Variants in SYNE2 observed in about 807,000 individuals in gnomAD.
SYNE2 encodes spectrin repeat containing nuclear envelope protein 2, also known as nesprin-2.
SYNE2 carries 431 observed loss-of-function variants against 856.3 expected under a neutral mutation model. The ratio of observed to expected loss-of-function variants is 0.50; its 90% CI spans 0.47 to 0.55. The LOEUF (loss-of-function observed/expected upper bound fraction) is 0.55, where lower values mean the gene tolerates loss of function less well. SYNE2 is among the 20% of genes least tolerant of loss of function. The pLI, the probability that SYNE2 is intolerant of heterozygous loss-of-function variation, is 0.00. For synonymous variants in SYNE2, 2,923 were observed against 2,872.3 expected (o/e 1.02, Z -0.56); for missense variants, 8,129 against 8,023.2 (o/e 1.01, Z -0.50).
Position 64,023,962 on chromosome 14 carries a change from T to A in SYNE2, c.5638-295T>A, listed in dbSNP as rs76085897. The A allele has an allele frequency of 1.6e-3, 585 of 370,992 alleles. 9 individuals carry two copies. The East Asian group carries it at 0.034, about 21-fold the overall frequency. 23.0% of individuals were successfully genotyped at this position (370,992 alleles called of 1,614,324 possible). On this transcript the variant is annotated intron_variant, in intron 38 of 115. Transcript: ENST00000555002. ...TATTTGGGCAACGTTAAATAGAGAA[T>A]AGTCTGTGGAGAAGTTGGACGTAGC...
At chr14:63,822,101 G>A (rs1298625321) in intron 1 of SYNE2, among the ~76,000 whole-genome samples, 1 of 152,050 alleles carries the variant, frequency 6.6e-6, no homozygotes, top group Non-Finnish European at 1.5e-5. Context: ...CGAGGCAGGA[G>A]AATTGCTTGA....
chr14:63,827,671 A>G (rs4902246), intron 1 of SYNE2, among the ~76,000 whole-genome samples: 8,102 of 148,180 alleles, frequency 0.055, 291 homozygotes, highest in Admixed American at 0.086. Context: ...GAAAAAGAAA[A>G]AAAGAAAAGA....
chr14:63,950,136 C>G (rs1412195205), intron 7 of SYNE2, 130 bp downstream of exon 7: 6 of 1,094,456 alleles, frequency 5.5e-6, no homozygotes, highest in Non-Finnish European at 8.3e-6. Flanking sequence ...TGTGCTTCTT[C>G]CATACGTGGA....
chr14:64,061,661 T>G (rs941198455), intron 49 of SYNE2, among the ~76,000 whole-genome samples: 3 of 152,240 alleles, frequency 2.0e-5, no homozygotes, highest in African/African-American at 7.2e-5. Flanking sequence ...ATGTTTTCTC[T>G]TCTGTAAAAT....
At chr14:63,838,369 G>A (rs1015832305) in intron 1 of SYNE2, among the ~76,000 whole-genome samples, 6 of 152,114 alleles carry the variant, frequency 3.9e-5, no homozygotes, top group East Asian at 1.9e-4. Context: ...AACTTTGATT[G>A]TGAAGCTGGT....
intron 59 of SYNE2, 99 bp from the exon 60 acceptor site, chr14:64,090,767 A>G (rs2097605124): frequency 9.2e-7 from 1 of 1,092,570 alleles, no homozygotes; most frequent in Non-Finnish European, 1.3e-6. Context: ...TAAAAATGCA[A>G]ACTATAAAAA....
intron 100 of SYNE2, 115 bp from the exon 101 acceptor site, chr14:64,208,643 C>A: frequency 9.3e-7 from 1 of 1,080,198 alleles, no homozygotes; most frequent in Non-Finnish European, 1.4e-6. Context: ...GGAAATCCAC[C>A]CAGGGAAGTA....
In SYNE2 at chr14:64,052,813, T is replaced by C. The variant is rs762753918; in HGVS notation, c.8900T>C (p.Leu2967Pro). ...GCTGACAGTATACAGCGCAATGAACTATTACTTAATCAAGAAGTAAATAAA... is the reference window on the plus strand; with the variant it reads ...GCTGACAGTATACAGCGCAATGAACCATTACTTAATCAAGAAGTAAATAAA... The part of the protein sequence containing the change: ...EEADSIQRNE[L>P]LLNQEVNKGV... Residue 2967 changes from leucine (L) to proline (P), a missense_variant, in exon 48 of 116, where the codon CTA becomes CCA. By Grantham distance (98) the Leu-to-Pro change is moderately conservative (BLOSUM62 -3). Transcript: ENST00000555002. 4.3e-6 allele frequency: 7 copies of C among 1,612,434 alleles called. No individual in the cohort carries two copies. Among genetic ancestry groups the C allele is most frequent in the Admixed American group, 1.7e-5 (1 of 59,706 alleles).
intron 45 of SYNE2, among the ~76,000 whole-genome samples, chr14:64,037,749 CT>C (rs2097104969): frequency 6.8e-5 from 1 of 14,726 alleles, no homozygotes; most frequent in African/African-American, 1.2e-4. Context: ...GACGGGGCGG[CT>C]GGCCGGGCAG....
At chr14:63,843,046 G>C (rs34783056) in intron 1 of SYNE2, among the ~76,000 whole-genome samples, 9,098 of 150,724 alleles carry the variant, frequency 0.06, 291 homozygotes, top group Middle Eastern at 0.1. Flanking sequence ...ATTTTTTTTT[G>C]AGATAGGGTC....
chr14:64,175,255 C>T (rs1230589666), intron 95 of SYNE2, 117 bp downstream of exon 95: 30 of 1,181,190 alleles, frequency 2.5e-5, no homozygotes, highest in Non-Finnish European at 3.0e-5. Flanking sequence ...GTTTCCAACT[C>T]AAGCTGTAAT....
chr14:63,963,788 T>G, intron 9 of SYNE2, 111 bp from the exon 10 acceptor site: 1 of 717,022 alleles, frequency 1.4e-6, no homozygotes, highest in Non-Finnish European at 2.5e-6. Flanking sequence ...TAATGAATCA[T>G]TGGTGTGTAA....
At chr14:63,899,830 C>CT (rs1281392964) in intron 1 of SYNE2, among the ~76,000 whole-genome samples, 1 of 152,144 alleles carries the variant, frequency 6.6e-6, no homozygotes, top group Non-Finnish European at 1.5e-5. Context: ...AGTATGGTGA[C>CT]TAGCTTTTAA....
intron 96 of SYNE2, among the ~76,000 whole-genome samples, chr14:64,185,810 T>G (rs956547476): frequency 2.0e-5 from 3 of 152,330 alleles, no homozygotes; most frequent in African/African-American, 7.2e-5. Context: ...TGTGAGCCAC[T>G]GAGCCCAGCC....
intron 1 of SYNE2, among the ~76,000 whole-genome samples, chr14:63,790,304 G>A (rs370417569): frequency 2.2e-4 from 33 of 151,662 alleles, no homozygotes; most frequent in African/African-American, 7.0e-4. Flanking sequence ...CCACTGCAAT[G>A]CAGCCTGGGT....
At chr14:63,905,880 C>T (rs1401894833) in intron 1 of SYNE2, among the ~76,000 whole-genome samples, 6 of 152,118 alleles carry the variant, frequency 3.9e-5, no homozygotes, top group Non-Finnish European at 7.4e-5. Context: ...TGTTCTGACT[C>T]TCAGGGGGAA....
chr14:64,146,860 C>A (rs973969098), intron 84 of SYNE2, among the ~76,000 whole-genome samples: 1 of 152,244 alleles, frequency 6.6e-6, no homozygotes, highest in Non-Finnish European at 1.5e-5. Context: ...GCACTTCCTG[C>A]GTGACGGCCT....
At chr14:63,857,607 C>T (rs1892179735) in intron 1 of SYNE2, among the ~76,000 whole-genome samples, 1 of 152,118 alleles carries the variant, frequency 6.6e-6, no homozygotes, top group Non-Finnish European at 1.5e-5. Flanking sequence ...TCCAGTTGCC[C>T]CAGATCCTTG....
At chr14:63,882,718 A>G (rs185866433) in intron 1 of SYNE2, among the ~76,000 whole-genome samples, 2 of 152,300 alleles carry the variant, frequency 1.3e-5, no homozygotes, top group Admixed American at 1.3e-4. Context: ...AAAAACAAAC[A>G]AACAAACAAA....
Sources: gnomAD v4.1 joint callset for allele counts (sites outside exome capture counted in the v4.1 genomes callset) on GRCh38, gnomAD v4.1.1 for gene constraint, MANE v1.5 for transcripts, NCBI Gene and HGNC (gene_info 2026-07-23, HGNC 2026-07-21) for gene names.